Variants in SUPT3H observed in about 807,000 individuals in gnomAD.
SUPT3H encodes the protein SPT3 homolog, SAGA and STAGA complex component.
A neutral mutation model predicts 44.3 loss-of-function variants in SUPT3H; 44 were observed. The ratio of observed to expected loss-of-function variants is 0.99; its 90% CI spans 0.78 to 1.28. The LOEUF (loss-of-function observed/expected upper bound fraction) is 1.28, where lower values mean the gene tolerates loss of function less well. SUPT3H is among the 50% of genes most tolerant of loss of function. SUPT3H has a pLI of 0.00. For missense variants in SUPT3H, 380 were observed against 387.1 expected, an observed-to-expected ratio of 0.98 and a Z score of 0.15; for synonymous variants, 124 against 125.6, an observed-to-expected ratio of 0.99 and a Z score of 0.09.
exon 12 of SUPT3H, chr6:44,809,327 A>T (rs1317103622): frequency 6.6e-6 from 1 of 152,262 alleles, no homozygotes; most frequent in African/African-American, 2.4e-5. Context: ...GAATTCAGAG[A>T]CAGTGCTTCC....
downstream of SUPT3H, among the ~76,000 whole-genome samples, chr6:44,822,474 A>C (rs1225597598): frequency 1.3e-5 from 2 of 152,252 alleles, no homozygotes; most frequent in African/African-American, 4.8e-5. Flanking sequence ...ATACAAAAAT[A>C]GTCCTACTAG....
chr6:45,081,769 A>G (rs1795849419), intron 3 of SUPT3H, among the ~76,000 whole-genome samples: 1 of 152,194 alleles, frequency 6.6e-6, no homozygotes, highest in Non-Finnish European at 1.5e-5. Flanking sequence ...ACACTGCAGT[A>G]GCTGCAGAAT....
intron 10 of SUPT3H, among the ~76,000 whole-genome samples, chr6:44,847,672 G>A (rs1338866075): frequency 6.6e-6 from 1 of 152,058 alleles, no homozygotes; most frequent in African/African-American, 2.4e-5. Context: ...ATTTTTAGTA[G>A]AGATGGGGTT....
intron 2 of SUPT3H, among the ~76,000 whole-genome samples, chr6:45,138,758 G>A (rs1423547248): frequency 6.6e-6 from 1 of 152,070 alleles, no homozygotes; most frequent in African/African-American, 2.4e-5. Context: ...GGGGAGGTGA[G>A]TAATGTTTTA....
intron 10 of SUPT3H, among the ~76,000 whole-genome samples, chr6:44,889,209 T>A (rs1762856539): frequency 6.6e-6 from 1 of 152,124 alleles, no homozygotes; most frequent in Non-Finnish European, 1.5e-5. Flanking sequence ...ATTTATAGAT[T>A]CAATGCCATC....
At chr6:45,013,736 G>C (rs562679871) in intron 5 of SUPT3H, among the ~76,000 whole-genome samples, 1 of 151,990 alleles carries the variant, frequency 6.6e-6, no homozygotes, top group African/African-American at 2.4e-5. Flanking sequence ...TGCAACATGG[G>C]GCTGAGGGAG....
intron 9 of SUPT3H, among the ~76,000 whole-genome samples, chr6:44,946,641 A>G (rs1163457557): frequency 6.6e-6 from 1 of 152,194 alleles, no homozygotes; most frequent in East Asian, 1.9e-4. Flanking sequence ...ATCTCATGAT[A>G]AAACTTGAAT....
chr6:44,915,588 A>G (rs1321514484), intron 10 of SUPT3H, among the ~76,000 whole-genome samples: 1 of 152,112 alleles, frequency 6.6e-6, no homozygotes, highest in Non-Finnish European at 1.5e-5. Context: ...TAACATCAAC[A>G]CAGACCTTAA....
In SUPT3H at chr6:44,851,246, G is replaced by A. The variant is rs192986186; in HGVS notation, c.913-21389C>T. On this transcript the variant is annotated intron_variant, in intron 10 of 10. Coordinates refer to ENST00000371459, the MANE Select transcript of SUPT3H (RefSeq NM_003599.4). ...AAAGATGTACTTAAATACAAGAGCA[G>A]AATAAAATAACACCAATATCTAAGG... Among the ~76,000 whole-genome samples, 28 of 152,278 alleles carry A rather than the reference G, an allele frequency of 1.8e-4. 1 individual carries two copies. The highest frequency in any genetic ancestry group is 1.5e-3 in the East Asian group (8 of 5,186).
At chr6:45,132,871 C>T (rs944943079) in intron 2 of SUPT3H, among the ~76,000 whole-genome samples, 1 of 152,132 alleles carries the variant, frequency 6.6e-6, no homozygotes, top group Non-Finnish European at 1.5e-5. Flanking sequence ...ATTATTATCA[C>T]CCCCTTTACA....
intron 9 of SUPT3H, among the ~76,000 whole-genome samples, chr6:44,934,004 T>A (rs1051069069): frequency 6.6e-6 from 1 of 152,216 alleles, no homozygotes; most frequent in Admixed American, 6.5e-5. Flanking sequence ...TACTTCAAAG[T>A]ATAGTAGGTA....
At chr6:45,159,036 A>C (rs1808494015) in intron 2 of SUPT3H, 1 of 152,182 alleles carries the variant, frequency 6.6e-6, no homozygotes, top group Non-Finnish European at 1.5e-5. Context: ...TGACCTATGC[A>C]GTTGTGTTAG....
chr6:44,839,091 G>C (rs974141575), intron 10 of SUPT3H, among the ~76,000 whole-genome samples: 1 of 152,080 alleles, frequency 6.6e-6, no homozygotes, highest in African/African-American at 2.4e-5. Context: ...GCCATCCCAA[G>C]TCAGATATAT....
chr6:45,347,755 ATTCT>A (rs1158196688), intron 2 of SUPT3H, among the ~76,000 whole-genome samples: 4 of 151,396 alleles, frequency 2.6e-5, no homozygotes, highest in Non-Finnish European at 4.4e-5. Flanking sequence ...GAACTTCACA[ATTCT>A]TTTTTTTAAA....
At chr6:45,203,560 T>C (rs778123121) in intron 2 of SUPT3H, among the ~76,000 whole-genome samples, 9 of 152,330 alleles carry the variant, frequency 5.9e-5, no homozygotes, top group Middle Eastern at 3.4e-3. Context: ...GATGATCTGT[T>C]TGAAATGCAA....
chr6:45,027,606 A>G (rs1786232390), intron 3 of SUPT3H, among the ~76,000 whole-genome samples: 1 of 152,184 alleles, frequency 6.6e-6, no homozygotes, highest in Admixed American at 6.5e-5. Flanking sequence ...TATTCCTTTG[A>G]AGATTAAAAA....
intron 2 of SUPT3H, among the ~76,000 whole-genome samples, chr6:45,344,767 G>C (rs1212232149): frequency 6.6e-6 from 1 of 152,106 alleles, no homozygotes; most frequent in African/African-American, 2.4e-5. Context: ...TAAGACAAAA[G>C]AGAAATATAC....
chr6:44,953,786 C>A (rs1209275218), intron 8 of SUPT3H, among the ~76,000 whole-genome samples: 2 of 152,100 alleles, frequency 1.3e-5, no homozygotes, highest in Non-Finnish European at 2.9e-5. Flanking sequence ...GGCTGGAGTG[C>A]AATGGTGCGA....
At chr6:45,305,733 T>C (rs185025205) in intron 2 of SUPT3H, among the ~76,000 whole-genome samples, 1 of 152,318 alleles carries the variant, frequency 6.6e-6, no homozygotes, top group Non-Finnish European at 1.5e-5. Flanking sequence ...TAGAAGCCAC[T>C]ATCTTTCCCA....
Sources: gnomAD v4.1 joint callset for allele counts (sites outside exome capture counted in the v4.1 genomes callset) on GRCh38, gnomAD v4.1.1 for gene constraint, MANE v1.5 for transcripts, NCBI Gene and HGNC (gene_info 2026-07-23, HGNC 2026-07-21) for gene names.